Variants in HEATR4 observed in about 807,000 individuals in gnomAD.
HEATR4 encodes HEAT repeat containing 4, also known as HEAT repeat-containing protein 4.
HEATR4 carries 95 observed loss-of-function variants against 108.8 expected under a neutral mutation model. The ratio of observed to expected loss-of-function variants is 0.87; its 90% CI spans 0.74 to 1.04. HEATR4 has a LOEUF of 1.04. HEATR4 is among the 50% of genes least tolerant of loss of function. The pLI, the probability that HEATR4 is intolerant of heterozygous loss-of-function variation, is 0.00. For missense variants in HEATR4, 1,152 were observed against 1,253.8 expected, an observed-to-expected ratio of 0.92 and a Z score of 1.23; for synonymous variants, 443 against 459.4, an observed-to-expected ratio of 0.96 and a Z score of 0.46.
intron 8 of HEATR4, among the ~76,000 whole-genome samples, chr14:73,508,858 T>C (rs924705477): frequency 1.3e-5 from 2 of 152,118 alleles, no homozygotes; most frequent in Non-Finnish European, 2.9e-5. Flanking sequence ...TTTTTCCTTT[T>C]TTTTAGAGAC....
intron 17 of HEATR4, chr14:73,491,572 G>T (rs1027292258): frequency 1.3e-6 from 2 of 1,542,002 alleles, no homozygotes; most frequent in Non-Finnish European, 1.7e-6. Context: ...ACTCCCCGCT[G>T]CGGCGCGTCT....
intron 17 of HEATR4, among the ~76,000 whole-genome samples, chr14:73,486,225 C>T (rs1034623906): frequency 6.6e-6 from 1 of 152,194 alleles, no homozygotes. Context: ...GCTAGTAGCA[C>T]CCCCACTGTT....
intron 1 of HEATR4, among the ~76,000 whole-genome samples, chr14:73,558,060 C>T (rs1889428079): frequency 2.0e-5 from 2 of 102,222 alleles, no homozygotes; most frequent in African/African-American, 7.2e-5. Context: ...CAAGTGAGGC[C>T]TAGAAATCTG....
the HEATR4 span, among the ~76,000 whole-genome samples, chr14:73,609,264 G>C: frequency 6.6e-6 from 1 of 152,154 alleles, no homozygotes; most frequent in Non-Finnish European, 1.5e-5. Flanking sequence ...GCATCCAAAA[G>C]CTGCCTCTTC....
chr14:73,512,977 C>T (rs1463404093), intron 6 of HEATR4, among the ~76,000 whole-genome samples: 2 of 152,172 alleles, frequency 1.3e-5, no homozygotes, highest in East Asian at 3.8e-4. Flanking sequence ...TACTTTGTCC[C>T]AGGCACTCAG....
chr14:73,603,923 A>G, the HEATR4 span, among the ~76,000 whole-genome samples: 1 of 151,992 alleles, frequency 6.6e-6, no homozygotes, highest in African/African-American at 2.4e-5. Context: ...TAGTAGAGAC[A>G]GGGTTTCACC....
intron 5 of HEATR4, among the ~76,000 whole-genome samples, chr14:73,517,861 G>A (rs950135844): frequency 1.3e-5 from 2 of 152,014 alleles, no homozygotes; most frequent in African/African-American, 4.8e-5. Flanking sequence ...GGCCGAGGTG[G>A]ACAGATCACG....
At chr14:73,558,257 T>C (rs1889433015) in intron 1 of HEATR4, among the ~76,000 whole-genome samples, 1 of 140,422 alleles carries the variant, frequency 7.1e-6, no homozygotes, top group South Asian at 2.5e-4. Flanking sequence ...CCCCTCATTT[T>C]TTCCCCTCTA....
chr14:73,552,553 A>G lies in HEATR4; in HGVS notation c.-152+6198T>C, dbSNP rs1889338565. On this transcript the variant is annotated intron_variant, in intron 1 of 17. Coordinates refer to ENST00000553558, the MANE Select transcript of HEATR4 (RefSeq NM_001220484.1). ...TCTAAACTACAGCATCCCCTCCCTA[A>G]TCCTCATTTGCCTTCTCCTTCTGAG... Among the ~76,000 whole-genome samples, 2 of 90,272 alleles carry G rather than the reference A, an allele frequency of 2.2e-5. 1 individual carries two copies. Among genetic ancestry groups the G allele is most frequent in the South Asian group, 7.2e-4 (2 of 2,792 alleles). The allele number at this position is 90,272 out of a possible 152,430, so 59.2% of individuals were successfully genotyped here. A position where few individuals can be genotyped will look rare whatever the true frequency, so the allele number is the denominator to read the frequency against.
the HEATR4 span, among the ~76,000 whole-genome samples, chr14:73,585,546 G>A: frequency 2.6e-5 from 4 of 151,880 alleles, no homozygotes; most frequent in African/African-American, 7.3e-5. Context: ...ATAATTAGCC[G>A]GGCTTGGTAG....
chr14:73,562,572 C>T (rs891973703), upstream of HEATR4, among the ~76,000 whole-genome samples: 4 of 151,968 alleles, frequency 2.6e-5, no homozygotes, highest in Admixed American at 1.3e-4. Context: ...AGCCTACAAA[C>T]GGACGTGCAA....
rs1192737602 is a variant in HEATR4, at chr14:73,509,390, C to T, written c.1642G>A (p.Ala548Thr). 7 of 1,614,098 alleles carry T rather than the reference C, an allele frequency of 4.3e-6. No individual in the cohort carries two copies. Among genetic ancestry groups the T allele is most frequent in the Non-Finnish European group, 5.9e-6 (7 of 1,180,012 alleles). ...LCDKNAHVRMAAAICQYAIQS... is the reference protein window; with the variant it reads ...LCDKNAHVRMTAAICQYAIQS... ...ATGGCATATTGGCATATTGCTGCTG[C>T]CATCCGCACATGGGCATTCTTGTCA... The change falls in exon 8 of 18, where the codon GCA (alanine) becomes ACA (threonine). Residue 548 changes from alanine to threonine, a missense_variant. Coordinates refer to ENST00000553558, the MANE Select transcript of HEATR4 (RefSeq NM_001220484.1).
chr14:73,509,471 T>C lies in HEATR4; in HGVS notation c.1561A>G (p.Lys521Glu), dbSNP rs139510992. 80 of 1,613,836 alleles carry C rather than the reference T, an allele frequency of 5.0e-5. No individual in the cohort carries two copies. Among genetic ancestry groups the C allele is most frequent in the Non-Finnish European group, 6.0e-5 (71 of 1,180,004 alleles). Residue 521 changes from lysine to glutamate, a missense_variant and splice_region_variant, in exon 8 of 18, where the codon AAG (lysine) becomes GAG (glutamate). Physicochemically the swap from Lys to Glu is moderately conservative, Grantham distance 56. Coordinates refer to ENST00000553558, the MANE Select transcript of HEATR4 (RefSeq NM_001220484.1). The part of the protein sequence containing the change: ...RIATSQRDSD[K>E]TIQDLPEVLL... ...ACCTCCGGCAAGTCCTGGATGGTCT[T>C]GTCTGTGATCAAAAGAGCCAGGTAA...
chr14:73,622,641 C>T, the HEATR4 span, among the ~76,000 whole-genome samples: 1 of 151,760 alleles, frequency 6.6e-6, no homozygotes, highest in Non-Finnish European at 1.5e-5. Context: ...CTCAGGTGAT[C>T]GCCTGCCTTG....
At chr14:73,563,459 G>C (rs1158116572), upstream of HEATR4, among the ~76,000 whole-genome samples, 1 of 152,040 alleles carries the variant, frequency 6.6e-6, no homozygotes, top group East Asian at 1.9e-4. Flanking sequence ...GCTGGGTGTG[G>C]TGGTGCGTGC....
chr14:73,595,481 C>G, the HEATR4 span: 2 of 1,614,096 alleles, frequency 1.2e-6, no homozygotes, highest in Admixed American at 3.3e-5. Flanking sequence ...CATCGAGCCT[C>G]CTTACTTCCC....
chr14:73,506,185 G>A (rs1187653055), intron 10 of HEATR4, among the ~76,000 whole-genome samples: 2 of 152,046 alleles, frequency 1.3e-5, no homozygotes, highest in Admixed American at 6.6e-5. Context: ...CACCGCACCC[G>A]GCCTACTATA....
At chr14:73,605,769 C>T in the HEATR4 span, among the ~76,000 whole-genome samples, 2 of 151,742 alleles carry the variant, frequency 1.3e-5, no homozygotes, top group Non-Finnish European at 1.5e-5. Context: ...CAGGGTTTCA[C>T]CACATTGGCC....
intron 6 of HEATR4, 136 bp from the exon 7 acceptor site, chr14:73,512,285 CAGAG>C: frequency 3.2e-6 from 3 of 951,562 alleles, no homozygotes; most frequent in Non-Finnish European, 4.6e-6. Flanking sequence ...ATAAAGGGCC[CAGAG>C]ATGGGGTCTT....
Sources: gnomAD v4.1 joint callset for allele counts (sites outside exome capture counted in the v4.1 genomes callset) on GRCh38, gnomAD v4.1.1 for gene constraint, MANE v1.5 for transcripts, NCBI Gene and HGNC (gene_info 2026-07-23, HGNC 2026-07-21) for gene names.